SHANK2: variants seen among roughly 807,000 people sequenced by gnomAD.
The protein encoded by SHANK2 is SH3 and multiple ankyrin repeat domains 2, also known as SH3 and multiple ankyrin repeat domains protein 2.
Under a neutral mutation model 133.7 loss-of-function variants are expected in SHANK2, and 43 were observed. That is an observed-to-expected ratio of 0.32 (90% CI 0.25 to 0.41). The LOEUF is 0.41. Ranked by LOEUF, SHANK2 falls within the 10% of genes least tolerant of loss-of-function variation. The pLI is 1.00. For missense variants in SHANK2, 1,994 were observed against 2,235.8 expected, an observed-to-expected ratio of 0.89 and a Z score of 2.18; for synonymous variants, 1,017 against 952.8, an observed-to-expected ratio of 1.07 and a Z score of -1.24.
chr11:70,572,742 G>C (rs534016639), intron 17 of SHANK2, among the ~76,000 whole-genome samples: 2 of 152,282 alleles, frequency 1.3e-5, no homozygotes, highest in South Asian at 4.1e-4. Flanking sequence ...TGAAAAAGAC[G>C]GCACACACCA....
intron 9 of SHANK2, among the ~76,000 whole-genome samples, chr11:71,067,450 C>G (rs1166159214): frequency 6.6e-6 from 1 of 152,102 alleles, no homozygotes; most frequent in African/African-American, 2.4e-5. Flanking sequence ...CTTGGAGAGC[C>G]AGGATGAGGT....
chr11:71,133,148 G>C (rs1952352350), intron 3 of SHANK2, among the ~76,000 whole-genome samples: 1 of 148,894 alleles, frequency 6.7e-6, no homozygotes, highest in South Asian at 2.1e-4. Flanking sequence ...TGGATGGAGG[G>C]AGGGAGGGAG....
At chr11:70,624,591 C>T (rs2060878965) in intron 17 of SHANK2, among the ~76,000 whole-genome samples, 1 of 145,790 alleles carries the variant, frequency 6.9e-6, no homozygotes, top group Admixed American at 6.8e-5. Flanking sequence ...CAGTCCTCAG[C>T]CAGGGGTGAT....
chr11:70,659,787 G>A (rs571008905), intron 17 of SHANK2, 41 bp downstream of exon 17: 198 of 1,613,118 alleles, frequency 1.2e-4, no homozygotes, highest in South Asian at 6.7e-4. Context: ...GAGAGTCGGC[G>A]CTCTCCCCAA....
chr11:71,068,031 C>T (rs1951090579), intron 9 of SHANK2, among the ~76,000 whole-genome samples: 2 of 151,062 alleles, frequency 1.3e-5, no homozygotes, highest in Admixed American at 1.3e-4. Flanking sequence ...AGCATCATCG[C>T]CACCATCGCC....
intron 1 of SHANK2, among the ~76,000 whole-genome samples, chr11:71,245,952 A>G (rs1954955310): frequency 6.6e-6 from 1 of 152,090 alleles, no homozygotes; most frequent in Non-Finnish European, 1.5e-5. Context: ...AGGGGAGTGG[A>G]GCAGATTCTT....
chr11:70,502,664 C>G, intron 18 of SHANK2, 132 bp downstream of exon 18: 1 of 1,079,368 alleles, frequency 9.3e-7, no homozygotes, highest in Non-Finnish European at 1.3e-6. Flanking sequence ...CAGCCTCACC[C>G]CTGTGCCTGG....
At chr11:70,802,943 C>T (rs892873807) in intron 13 of SHANK2, among the ~76,000 whole-genome samples, 4 of 152,188 alleles carry the variant, frequency 2.6e-5, no homozygotes, top group Non-Finnish European at 5.9e-5. Context: ...AAATGAACCC[C>T]TAAAATGACC....
chr11:70,472,024 G>A lies in SHANK2; in HGVS notation c.*845C>T, dbSNP rs1431723072. ...GGCAGACAACTGCTCTTGTCCTGGAGACCTGGAGCTTGGGCAGTTGCACGC... is the reference window on the plus strand; with the variant it reads ...GGCAGACAACTGCTCTTGTCCTGGAAACCTGGAGCTTGGGCAGTTGCACGC... On this transcript the variant is annotated 3_prime_UTR_variant, in exon 26 of 26. Coordinates refer to ENST00000601538, the MANE Select transcript of SHANK2 (RefSeq NM_012309.5). The surrounding 1 kb of genome is among the most constrained non-coding windows in gnomAD (Gnocchi z 4.4). 5 of 152,626 alleles carry A rather than the reference G, an allele frequency of 3.3e-5. No homozygotes were observed. Among genetic ancestry groups the A allele is most frequent in the African/African-American group, 1.2e-4 (5 of 41,476 alleles). The allele number at this position is 152,626 out of a possible 1,614,324, so 9.5% of individuals were successfully genotyped here.
rs138334271 is a variant in SHANK2 at position 71,118,240 on chromosome 11, T to A, written c.411+589A>T. 5.2e-3 allele frequency among the ~76,000 whole-genome samples: 785 copies of A among 151,984 alleles called. 7 individuals carry two copies. The highest frequency in any genetic ancestry group is 0.017 in the African/African-American group (718 of 41,430). On this transcript the variant is annotated intron_variant, in intron 4 of 25. Coordinates refer to ENST00000601538, the MANE Select transcript of SHANK2 (RefSeq NM_012309.5). Reference sequence around the variant, plus strand: ...CTTTGAATCTGTAGTGAAAAAAAAATGTATAAAAGTTGTACAACAGTGTGA... The same window carrying A: ...CTTTGAATCTGTAGTGAAAAAAAAAAGTATAAAAGTTGTACAACAGTGTGA...
At chr11:70,511,364 G>C (rs1396213772) in intron 17 of SHANK2, among the ~76,000 whole-genome samples, 1 of 152,202 alleles carries the variant, frequency 6.6e-6, no homozygotes, top group Admixed American at 6.5e-5. Flanking sequence ...CCTGCAATGA[G>C]ACTTTGGAAC....
intron 1 of SHANK2, among the ~76,000 whole-genome samples, chr11:71,232,472 G>A (rs908197607): frequency 6.6e-6 from 1 of 151,948 alleles, no homozygotes; most frequent in African/African-American, 2.4e-5. Flanking sequence ...CCTCTTACAC[G>A]TGGATATTCT....
chr11:70,833,271 G>A (rs112486805), intron 11 of SHANK2, among the ~76,000 whole-genome samples: 60 of 150,238 alleles, frequency 4.0e-4, no homozygotes, highest in African/African-American at 1.0e-3. Context: ...TAGACGCCCC[G>A]ACTGGCCACC....
chr11:71,066,507 A>G (rs1205294817), intron 9 of SHANK2, among the ~76,000 whole-genome samples: 2 of 152,136 alleles, frequency 1.3e-5, no homozygotes, highest in African/African-American at 2.4e-5. Flanking sequence ...TCAAAAGTAG[A>G]AACACTGGTG....
intron 17 of SHANK2, among the ~76,000 whole-genome samples, chr11:70,640,181 A>G (rs943089447): frequency 6.6e-6 from 1 of 152,266 alleles, no homozygotes; most frequent in South Asian, 2.1e-4. Flanking sequence ...ATTTGGAAAG[A>G]GTCCTCACAG....
rs543645790 is a variant in SHANK2, at chr11:70,734,630, C to T, written c.1778-35867G>A. Among the ~76,000 whole-genome samples, 150 of 152,340 alleles carry T rather than the reference C, an allele frequency of 9.8e-4. 1 individual carries two copies. Among genetic ancestry groups the T allele is most frequent in the Non-Finnish European group, 3.1e-4 (21 of 68,030 alleles). On this transcript the variant is annotated intron_variant, in intron 14 of 25. Transcript: ENST00000601538. ...CCCAGCCAGGGCCCCCCGACCAATA[C>T]CAACTCTCCTCCCAGCCAGAGGCTG...
chr11:71,234,183 TAAAAAA>T (rs71049965), intron 1 of SHANK2, among the ~76,000 whole-genome samples: 2 of 35,470 alleles, frequency 5.6e-5, no homozygotes, highest in African/African-American at 2.7e-4. Context: ...CCCTCTCTAC[TAAAAAA>T]AAAAAAAAAA....
At chr11:71,217,354 A>G in intron 2 of SHANK2, among the ~76,000 whole-genome samples, 1 of 151,970 alleles carries the variant, frequency 6.6e-6, no homozygotes. Context: ...AATAAATACA[A>G]AAATTAATTG....
At chr11:70,854,730 A>G (rs1003897019) in intron 11 of SHANK2, among the ~76,000 whole-genome samples, 1 of 152,188 alleles carries the variant, frequency 6.6e-6, no homozygotes, top group Non-Finnish European at 1.5e-5. Flanking sequence ...TCTGTTCTCA[A>G]TGGGGAGCCC....
Sources: gnomAD v4.1 joint callset for allele counts (sites outside exome capture counted in the v4.1 genomes callset) on GRCh38, gnomAD v4.1.1 for gene constraint, Gnocchi (gnomAD v3.1) non-coding constraint, MANE v1.5 for transcripts, NCBI Gene and HGNC (gene_info 2026-07-23, HGNC 2026-07-21) for gene names.